BET1: variants seen among roughly 807,000 people sequenced by gnomAD.
BET1 encodes the protein Bet1 golgi vesicular membrane trafficking protein.
BET1 carries 9 observed loss-of-function variants against 13.9 expected under a neutral mutation model. The observed-to-expected ratio is 0.65, with a 90% CI of 0.39 to 1.13. The LOEUF (loss-of-function observed/expected upper bound fraction) is 1.13, where lower values mean the gene tolerates loss of function less well. BET1 is among the 50% of genes most tolerant of loss of function. The pLI, the probability that BET1 is intolerant of heterozygous loss-of-function variation, is 0.01. For synonymous variants in BET1, 39 were observed against 47.3 expected, an observed-to-expected ratio of 0.82 and a Z score of 0.72; for missense variants, 127 against 133.6, an observed-to-expected ratio of 0.95 and a Z score of 0.24.
chr7:93,969,887 A>G (rs1795231759), intron 6 of BET1, among the ~76,000 whole-genome samples: 1 of 151,822 alleles, frequency 6.6e-6, no homozygotes, highest in Non-Finnish European at 1.5e-5. Flanking sequence ...GAATTTAGCT[A>G]TAAATTTCAA....
At chr7:93,981,257 T>C (rs576881890) in intron 4 of BET1, among the ~76,000 whole-genome samples, 1 of 152,320 alleles carries the variant, frequency 6.6e-6, no homozygotes, top group Admixed American at 6.5e-5. Flanking sequence ...GGAAGTCTCA[T>C]GCCCTGGGAA....
intron 4 of BET1, among the ~76,000 whole-genome samples, chr7:93,980,508 CA>C (rs1194746916): frequency 6.6e-6 from 1 of 152,084 alleles, no homozygotes; most frequent in Non-Finnish European, 1.5e-5. Flanking sequence ...ACCTGATACA[CA>C]GTATTACCAA....
rs190006303 is a variant in BET1 at position 93,973,782 on chromosome 7, G to T, written c.*49-1119C>A. Among the ~76,000 whole-genome samples the T allele has an allele frequency of 3.8e-3, 579 of 152,052 alleles. 2 individuals are homozygous for T. Among genetic ancestry groups the T allele is most frequent in the Non-Finnish European group, 5.3e-3 (361 of 67,892 alleles). On this transcript the variant is annotated intron_variant and NMD_transcript_variant, in intron 5 of 6. Coordinates refer to the BET1 transcript ENST00000357520. ...AATACTGAATTATATGCTACATAAA[G>T]GTTTTAAAATGCACCAGGCCTGGGA...
chr7:93,985,490 G>T (rs1795509436), intron 4 of BET1, among the ~76,000 whole-genome samples: 1 of 151,964 alleles, frequency 6.6e-6, no homozygotes, highest in Non-Finnish European at 1.5e-5. Flanking sequence ...GTGTGATGCT[G>T]GTATATAACA....
chr7:94,001,650 T>C (rs2116148234), intron 1 of BET1, among the ~76,000 whole-genome samples: 1 of 152,304 alleles, frequency 6.6e-6, no homozygotes, highest in East Asian at 1.9e-4. Flanking sequence ...AATATTAAAA[T>C]CACCATTTAA....
At chr7:93,968,275 T>G (rs963191161) in intron 6 of BET1, 15 of 151,968 alleles carry the variant, frequency 9.9e-5, no homozygotes, top group African/African-American at 3.6e-4. Context: ...AAAGTAGATT[T>G]TTTTTCTGAT....
downstream of BET1, among the ~76,000 whole-genome samples, chr7:93,989,032 T>G (rs1200568028): frequency 6.6e-6 from 1 of 150,488 alleles, no homozygotes; most frequent in African/African-American, 2.4e-5. Flanking sequence ...GTTTGTTTTT[T>G]TGAGACGGAG....
Position 94,004,336 on chromosome 7 carries a change from T to C in BET1, c.-120A>G, listed in dbSNP as rs149698296. On this transcript the variant is annotated 5_prime_UTR_variant, in exon 1 of 4. Transcript: ENST00000222547. ...CCAGCGAAACACCAACTTCTTCCCCTAAAGCGCCACGACATCAGTGGAGTC... is the reference window on the plus strand; with the variant it reads ...CCAGCGAAACACCAACTTCTTCCCCCAAAGCGCCACGACATCAGTGGAGTC... The C allele has an allele frequency of 3.4e-3, 4,762 of 1,384,408 alleles. 7 individuals are homozygous for C. Among genetic ancestry groups the C allele is most frequent in the Non-Finnish European group, 4.5e-3 (4,383 of 977,338 alleles). 85.8% of individuals were successfully genotyped at this position (1,384,408 alleles called of 1,614,324 possible).
At chr7:93,973,475 A>C (rs546019818) in intron 5 of BET1, among the ~76,000 whole-genome samples, 2 of 152,098 alleles carry the variant, frequency 1.3e-5, no homozygotes, top group African/African-American at 4.8e-5. Flanking sequence ...ATCCACCAGA[A>C]TTTAGCTCTG....
chr7:93,985,367 A>T (rs1795506844), intron 4 of BET1, among the ~76,000 whole-genome samples: 1 of 152,214 alleles, frequency 6.6e-6, no homozygotes, highest in African/African-American at 2.4e-5. Flanking sequence ...TATGTGTAAC[A>T]TAAGGCTATT....
chr7:93,996,115 A>C (rs1795764759), intron 3 of BET1, 150 bp downstream of exon 3: 1 of 612,498 alleles, frequency 1.6e-6, no homozygotes, highest in African/African-American at 1.9e-5. Flanking sequence ...ATGGCAAAAT[A>C]AACCTTATAG....
intron 4 of BET1, among the ~76,000 whole-genome samples, chr7:93,984,686 C>T (rs1795491835): frequency 6.6e-6 from 1 of 152,072 alleles, no homozygotes; most frequent in African/African-American, 2.4e-5. Flanking sequence ...AGAATAGCCT[C>T]CAGATTGTGT....
intron 6 of BET1, chr7:93,968,497 A>G (rs1795209865): frequency 6.6e-6 from 1 of 151,882 alleles, no homozygotes; most frequent in Admixed American, 6.6e-5. Flanking sequence ...TGGGAAAAAC[A>G]TGAACATCAA....
At chr7:93,999,666 A>G (rs954486065) in intron 1 of BET1, 3 of 457,128 alleles carry the variant, frequency 6.6e-6, no homozygotes, top group Non-Finnish European at 4.4e-6. Context: ...ACCCATTGAA[A>G]AAGCGTGGCT....
At chr7:93,991,054 A>T (rs755158582), downstream of BET1, among the ~76,000 whole-genome samples, 6 of 152,204 alleles carry the variant, frequency 3.9e-5, no homozygotes, top group Admixed American at 6.5e-5. Flanking sequence ...ACAAAGCTCT[A>T]TGAAATGTAC....
At chr7:93,992,295 T>C, downstream of BET1, 1 of 985,238 alleles carries the variant, frequency 1.0e-6, no homozygotes. Flanking sequence ...TTGATGATAC[T>C]GTCCACATTA....
At chr7:93,969,869 G>A (rs1795231640) in intron 6 of BET1, among the ~76,000 whole-genome samples, 1 of 151,606 alleles carries the variant, frequency 6.6e-6, no homozygotes, top group Non-Finnish European at 1.5e-5. Context: ...GCCCTACTTG[G>A]TCTCATTGAA....
chr7:93,995,949 T>C lies in BET1; in HGVS notation c.201+316A>G, dbSNP rs115559687. ...GCCTTTTGATTGCTTGGTTAATAAA[T>C]TACTAGTAGTCTCTACTATTGAGAC... On this transcript the variant is annotated intron_variant, in intron 3 of 3. Transcript: ENST00000222547. The C allele has an allele frequency of 4.2e-3, 1,612 of 382,184 alleles. 7 individuals carry two copies. Among genetic ancestry groups the C allele is most frequent in the Middle Eastern group, 0.018 (27 of 1,516 alleles). 23.7% of individuals were successfully genotyped at this position (382,184 alleles called of 1,614,324 possible).
intron 6 of BET1, among the ~76,000 whole-genome samples, chr7:93,967,538 A>G (rs1022398438): frequency 5.9e-5 from 9 of 151,842 alleles, no homozygotes; most frequent in African/African-American, 2.2e-4. Flanking sequence ...TGTAAATGAC[A>G]GGTTTTTTGT....
Sources: gnomAD v4.1 joint callset for allele counts (sites outside exome capture counted in the v4.1 genomes callset) on GRCh38, gnomAD v4.1.1 for gene constraint, MANE v1.5 for transcripts, NCBI Gene and HGNC (gene_info 2026-07-23, HGNC 2026-07-21) for gene names.